SMAD1: variants seen among roughly 807,000 people sequenced by gnomAD.
SMAD1 encodes MAD, mothers against decapentaplegic homolog 1.
In SMAD1, 6 loss-of-function variants were observed where a neutral mutation model predicts 41.6. That is an observed-to-expected ratio of 0.14 (90% confidence interval 0.08 to 0.28). SMAD1 has a LOEUF of 0.28. SMAD1 is among the 10% of genes least tolerant of loss of function. SMAD1 has a pLI of 1.00. For missense variants in SMAD1, 379 were observed against 582.6 expected (o/e 0.65, Z 3.60); for synonymous variants, 206 against 203.2 (o/e 1.01, Z -0.12).
At chr4:145,516,132 C>T (rs1183875275) in intron 2 of SMAD1, among the ~76,000 whole-genome samples, 1 of 152,142 alleles carries the variant, frequency 6.6e-6, no homozygotes, top group Admixed American at 6.5e-5. Context: ...CCTGTTTTTG[C>T]TCCTCTGATT....
Position 145,514,899 on chromosome 4 carries a change from G to A in SMAD1, c.286G>A (p.Asp96Asn). 6.2e-7 allele frequency: 1 copy of A among 1,613,880 alleles called. No homozygotes were observed. Among genetic ancestry groups the A allele is most frequent in the Non-Finnish European group, 8.5e-7 (1 of 1,179,910 alleles). The change falls in exon 2 of 7, where the codon GAT (aspartate) becomes AAT (asparagine). Residue 96 changes from aspartate (D) to asparagine (N), a missense_variant. By Grantham distance (23) the Asp-to-Asn change is conservative (BLOSUM62 1). Transcript: ENST00000302085. The surrounding 1 kb of genome is among the most constrained non-coding windows in gnomAD (Gnocchi z 4.7). ...VIYCRVWRWP[D>N]LQSHHELKPL... ...TTACTGCCGTGTGTGGCGCTGGCCC[G>A]ATCTTCAGAGCCACCATGAACTAAA...
intron 4 of SMAD1, 30 bp from the exon 5 acceptor site, chr4:145,546,673 T>C (rs1732267943): frequency 1.3e-6 from 2 of 1,539,168 alleles, no homozygotes; most frequent in South Asian, 2.2e-5. Flanking sequence ...GGCACTAACC[T>C]TGGTTGATAT....
intron 1 of SMAD1, among the ~76,000 whole-genome samples, chr4:145,503,690 G>C (rs529017624): frequency 6.6e-6 from 1 of 152,118 alleles, no homozygotes; most frequent in Non-Finnish European, 1.5e-5. Context: ...TCCTTATAAC[G>C]TTGATGAGAA....
chr4:145,554,877 T>A (rs1732754514), intron 6 of SMAD1, among the ~76,000 whole-genome samples: 1 of 152,220 alleles, frequency 6.6e-6, no homozygotes, highest in Non-Finnish European at 1.5e-5. Flanking sequence ...GAGGCAATTA[T>A]CTTTTATGTC....
chr4:145,553,091 T>TG (rs972325764), intron 5 of SMAD1, among the ~76,000 whole-genome samples: 24 of 151,248 alleles, frequency 1.6e-4, no homozygotes, highest in African/African-American at 5.6e-4. Flanking sequence ...TTTTTTTTTT[T>TG]TTTGTGGAGA....
At chr4:145,554,688 C>T (rs1446689940) in intron 6 of SMAD1, among the ~76,000 whole-genome samples, 2 of 152,122 alleles carry the variant, frequency 1.3e-5, no homozygotes, top group Admixed American at 6.5e-5. Flanking sequence ...TTTGCTGTCT[C>T]ATGTTCTGCC....
chr4:145,530,139 C>T (rs1731243386), intron 2 of SMAD1, among the ~76,000 whole-genome samples: 1 of 152,158 alleles, frequency 6.6e-6, no homozygotes, highest in African/African-American at 2.4e-5. Flanking sequence ...AAAGGCATTA[C>T]AGTCCAGGTG....
chr4:145,533,420 T>C (rs1393481744), intron 2 of SMAD1, among the ~76,000 whole-genome samples: 3 of 152,204 alleles, frequency 2.0e-5, no homozygotes, highest in Non-Finnish European at 2.9e-5. Flanking sequence ...GTGTGGTGGC[T>C]CATGCCTGTA....
At chr4:145,495,278 C>T (rs1466482239) in intron 1 of SMAD1, among the ~76,000 whole-genome samples, 1 of 152,088 alleles carries the variant, frequency 6.6e-6, no homozygotes, top group East Asian at 1.9e-4. Context: ...GTGTCATGAC[C>T]GTTTCTGCCA....
Position 145,553,845 on chromosome 4 carries a change from C to T in SMAD1, c.1059C>T (p.Ile353=). The T allele has an allele frequency of 6.2e-7, 1 of 1,613,956 alleles. No homozygotes were observed. The highest frequency in any genetic ancestry group is 8.5e-7 in the Non-Finnish European group (1 of 1,179,864). Residue 353 remains isoleucine (I), a synonymous_variant, in exon 6 of 7, where the codon ATC becomes ATT. Coordinates refer to ENST00000302085, the MANE Select transcript of SMAD1 (RefSeq NM_005900.3). Reference sequence around the variant, plus strand: ...CCGAATGCCTTAGTGACAGTAGCATCTTTGTGCAAAGTCGGAACTGCAACT... The same window carrying T: ...CCGAATGCCTTAGTGACAGTAGCATTTTTGTGCAAAGTCGGAACTGCAACT... ...VYAECLSDSS[I]FVQSRNCNYH... is the part of the protein sequence containing the mutation.
At chr4:145,504,453 C>T (rs79433655) in intron 1 of SMAD1, among the ~76,000 whole-genome samples, 2,084 of 152,286 alleles carry the variant, frequency 0.014, 66 homozygotes, top group African/African-American at 0.048. Context: ...TATCATTTTC[C>T]TTAAGGAGCT....
chr4:145,516,742 G>A (rs1454927312), intron 2 of SMAD1, among the ~76,000 whole-genome samples: 1 of 152,142 alleles, frequency 6.6e-6, no homozygotes. Context: ...AAGAGTTTTG[G>A]AGAGTAAAAT....
chr4:145,523,464 C>T (rs2126453990), intron 2 of SMAD1, among the ~76,000 whole-genome samples: 1 of 152,164 alleles, frequency 6.6e-6, no homozygotes, highest in South Asian at 2.1e-4. Flanking sequence ...AAAAGAATTA[C>T]TAATAAAATA....
intron 2 of SMAD1, among the ~76,000 whole-genome samples, chr4:145,520,709 A>G (rs1254211657): frequency 6.6e-6 from 1 of 152,212 alleles, no homozygotes; most frequent in East Asian, 1.9e-4. Flanking sequence ...GGAGAAGTCT[A>G]TGCTTTTGTT....
At chr4:145,549,049 A>G (rs2126540957) in intron 5 of SMAD1, among the ~76,000 whole-genome samples, 1 of 148,340 alleles carries the variant, frequency 6.7e-6, no homozygotes, top group Middle Eastern at 3.4e-3. Context: ...AGCAAGAAAC[A>G]TTCTATTAAA....
rs1728192276 is a variant in SMAD1, at chr4:145,481,871, G to A, written c.-344G>A. 6.4e-6 allele frequency: 1 copy of A among 155,502 alleles called. No individual in the cohort carries two copies. Among genetic ancestry groups the A allele is most frequent in the South Asian group, 1.8e-4 (1 of 5,662 alleles). The allele number at this position is 155,502 out of a possible 1,614,324, so 9.6% of individuals were successfully genotyped here. Reference sequence around the variant, plus strand: ...CGCGACCAGATCAATCCAGGCTCCAGGAGAAAGCAGGCGGGCGGGCGGAGA... The same window carrying A: ...CGCGACCAGATCAATCCAGGCTCCAAGAGAAAGCAGGCGGGCGGGCGGAGA... On this transcript the variant is annotated 5_prime_UTR_variant, in exon 1 of 7. Transcript: ENST00000302085.
At chr4:145,536,786 C>G (rs1007767309) in intron 2 of SMAD1, among the ~76,000 whole-genome samples, 3 of 151,946 alleles carry the variant, frequency 2.0e-5, no homozygotes, top group African/African-American at 7.3e-5. Flanking sequence ...TTATTAATTA[C>G]AAAAGGAAAG....
intron 2 of SMAD1, among the ~76,000 whole-genome samples, chr4:145,535,599 C>T (rs138167628): frequency 1.3e-5 from 2 of 151,588 alleles, no homozygotes; most frequent in African/African-American, 4.8e-5. Context: ...GCAGTAAAGA[C>T]GAAATAAGAA....
rs1305288730 is a variant in SMAD1, at chr4:145,482,927, G to C, written c.-177+889G>C. The stretch of plus-strand genomic sequence containing the variant: ...GTGGGGGTGGTGGGCGTGAGAGACA[G>C]ATGTGGGCTTGTTTTTCTAGTTGCT... On this transcript the variant is annotated intron_variant, in intron 1 of 6. Coordinates refer to ENST00000302085, the MANE Select transcript of SMAD1 (RefSeq NM_005900.3). This position sits in a 1 kb window ranked among gnomAD's most constrained non-coding sequence, Gnocchi z 4.2. 6.6e-6 allele frequency: 1 copy of C among 152,292 alleles called. No individual in the cohort carries two copies. The highest frequency in any genetic ancestry group is 1.5e-5 in the Non-Finnish European group (1 of 68,094). 9.4% of individuals were successfully genotyped at this position (152,292 alleles called of 1,614,324 possible).
Sources: gnomAD v4.1 joint callset for allele counts (sites outside exome capture counted in the v4.1 genomes callset) on GRCh38, gnomAD v4.1.1 for gene constraint, Gnocchi (gnomAD v3.1) non-coding constraint, MANE v1.5 for transcripts, NCBI Gene and HGNC (gene_info 2026-07-23, HGNC 2026-07-21) for gene names.